ZC3H11A: variants seen among roughly 807,000 people sequenced by gnomAD.
ZC3H11A encodes zinc finger CCCH domain-containing protein 11A.
ZC3H11A carries 22 observed loss-of-function variants against 90.8 expected under a neutral mutation model. The observed-to-expected ratio is 0.24, with a 90% confidence interval of 0.17 to 0.35. ZC3H11A has a LOEUF of 0.35. Among genes scored for constraint, ZC3H11A ranks in the 10% least tolerant of loss-of-function variants. ZC3H11A has a pLI of 1.00. For missense variants in ZC3H11A, 701 were observed against 964.9 expected, an observed-to-expected ratio of 0.73 and a Z score of 3.62; for synonymous variants, 294 against 339.8, an observed-to-expected ratio of 0.87 and a Z score of 1.48.
intron 11 of ZC3H11A, 128 bp from the exon 12 acceptor site, chr1:203,840,178 A>T: frequency 1.2e-6 from 1 of 833,802 alleles, no homozygotes; most frequent in East Asian, 2.7e-5. Flanking sequence ...ACCTCAAGTG[A>T]TCAGCCTGCC....
intron 2 of ZC3H11A, among the ~76,000 whole-genome samples, chr1:203,811,741 C>A (rs1407213981): frequency 6.6e-6 from 1 of 151,958 alleles, no homozygotes; most frequent in Non-Finnish European, 1.5e-5. Flanking sequence ...AACTCTTGAC[C>A]TCAAATGACT....
At chr1:203,827,455 C>T (rs563412742) in intron 4 of ZC3H11A, among the ~76,000 whole-genome samples, 4 of 149,930 alleles carry the variant, frequency 2.7e-5, no homozygotes, top group South Asian at 2.1e-4. Flanking sequence ...CTGAGGCGGG[C>T]GGATCACGAG....
intron 9 of ZC3H11A, among the ~76,000 whole-genome samples, chr1:203,833,348 G>C (rs1683044470): frequency 7.4e-6 from 1 of 134,496 alleles, no homozygotes; most frequent in Non-Finnish European, 1.6e-5. Context: ...CTGGGCGACA[G>C]AGTGAGACTC....
intron 2 of ZC3H11A, among the ~76,000 whole-genome samples, chr1:203,810,426 T>TTTTC (rs1478076748): frequency 6.6e-6 from 1 of 151,012 alleles, no homozygotes; most frequent in African/African-American, 2.4e-5. Flanking sequence ...CTGTTAGGTT[T>TTTTC]TTTTTTTTTT....
intron 1 of ZC3H11A, chr1:203,798,830 C>T: frequency 6.5e-7 from 1 of 1,536,146 alleles, no homozygotes; most frequent in Non-Finnish European, 8.7e-7. Context: ...TTCAGAGGTT[C>T]ATGCAGATTG....
chr1:203,840,452 GT>G, intron 12 of ZC3H11A, 78 bp downstream of exon 12: 1 of 1,421,780 alleles, frequency 7.0e-7, no homozygotes, highest in Non-Finnish European at 9.7e-7. Context: ...AGATTTACCT[GT>G]TGCTTGCTAG....
chr1:203,800,366 G>C lies in ZC3H11A; in HGVS notation c.-1587-1209G>C, dbSNP rs765276335. 179 of 974,948 alleles carry C rather than the reference G, an allele frequency of 1.8e-4. No homozygotes were observed. In the African/African-American group the frequency reaches 2.4e-3, roughly 13 times the overall value. The allele number at this position is 974,948 out of a possible 1,614,324, so 60.4% of individuals were successfully genotyped here. On this transcript the variant is annotated intron_variant, in intron 1 of 17. Coordinates refer to ENST00000367210, the MANE Select transcript of ZC3H11A (RefSeq NM_001376342.1). Reference sequence around the variant, plus strand: ...AACTGATGTTTCTGAAAATGAACTTGAAAAATGTTAACTACGATTATTCTA... The same window carrying C: ...AACTGATGTTTCTGAAAATGAACTTCAAAAATGTTAACTACGATTATTCTA...
At chr1:203,834,042 T>C in intron 10 of ZC3H11A, 189 bp downstream of exon 10, 1 of 1,260,228 alleles carries the variant, frequency 7.9e-7, no homozygotes, top group Non-Finnish European at 1.0e-6. Flanking sequence ...TTTAAAGTGT[T>C]ACAATTGAAC....
chr1:203,840,481 C>T (rs1685757057), intron 12 of ZC3H11A, 107 bp downstream of exon 12: 4 of 1,118,784 alleles, frequency 3.6e-6, no homozygotes, highest in African/African-American at 3.2e-5. Context: ...GATTTTTGTT[C>T]TTTTGTAGTT....
At chr1:203,843,539 G>A (rs892776746) in intron 12 of ZC3H11A, among the ~76,000 whole-genome samples, 9 of 152,070 alleles carry the variant, frequency 5.9e-5, no homozygotes, top group African/African-American at 2.2e-4. Context: ...GTAAAGGGTC[G>A]GATATAAATA....
rs556154168 is a variant in ZC3H11A, at chr1:203,797,371, A to G, written c.-1588+1577A>G. 3.3e-4 allele frequency: 230 copies of G among 690,554 alleles called. 1 individual carries two copies. The highest frequency in any genetic ancestry group is 4.7e-4 in the Non-Finnish European group (211 of 450,136). 42.8% of individuals were successfully genotyped at this position (690,554 alleles called of 1,614,324 possible). A position where few individuals can be genotyped will look rare whatever the true frequency, so the allele number is the denominator to read the frequency against. On this transcript the variant is annotated intron_variant, in intron 1 of 17. Coordinates refer to ENST00000367210, the MANE Select transcript of ZC3H11A (RefSeq NM_001376342.1). ...TTGCTGTCAGTTTTCCTCCAAAAAT[A>G]ACCTGGCTTGGAAGTTATTGGTCCA...
intron 4 of ZC3H11A, among the ~76,000 whole-genome samples, chr1:203,819,953 C>T (rs1248127072): frequency 2.0e-5 from 3 of 151,606 alleles, no homozygotes; most frequent in Non-Finnish European, 4.4e-5. Context: ...AGAGCAAGTC[C>T]AGGCTGGGCT....
At chr1:203,805,728 T>G in intron 2 of ZC3H11A, 2 of 664,236 alleles carry the variant, frequency 3.0e-6, no homozygotes, top group Non-Finnish European at 5.8e-6. Flanking sequence ...CTGGCTCATC[T>G]AAATAGAACT....
At chr1:203,810,442 C>CAG (rs1194821080) in intron 2 of ZC3H11A, among the ~76,000 whole-genome samples, 2 of 132,924 alleles carry the variant, frequency 1.5e-5, no homozygotes, top group Admixed American at 7.4e-5. Context: ...TTTTTTGAGA[C>CAG]AGAGTCTCAC....
Position 203,852,892 on chromosome 1 carries a change from C to T in ZC3H11A, c.*493C>T, listed in dbSNP as rs1689580392. The T allele has an allele frequency of 1.8e-5, 3 of 168,490 alleles. No homozygotes were observed. The highest frequency in any genetic ancestry group is 7.2e-5 in the African/African-American group (3 of 41,490). 10.4% of individuals were successfully genotyped at this position (168,490 alleles called of 1,614,324 possible). On this transcript the variant is annotated 3_prime_UTR_variant, in exon 18 of 18. Transcript: ENST00000367210. ...ACTCAGTCTGTGTTAAATTGTATGT[C>T]TTTTTAAAGGTATTTAAAGATTCAA...
chr1:203,810,675 T>C (rs1247786357), intron 2 of ZC3H11A, among the ~76,000 whole-genome samples: 1 of 152,114 alleles, frequency 6.6e-6, no homozygotes, highest in Non-Finnish European at 1.5e-5. Context: ...CGCCTCGGAC[T>C]CCCAAAATGC....
At chr1:203,809,406 A>G (rs1484972335) in intron 2 of ZC3H11A, among the ~76,000 whole-genome samples, 2 of 149,292 alleles carry the variant, frequency 1.3e-5, no homozygotes, top group Non-Finnish European at 3.0e-5. Flanking sequence ...CAAACTCCTG[A>G]CCTCGTGATC....
At chr1:203,796,380 C>G in intron 1 of ZC3H11A, 1 of 398,972 alleles carries the variant, frequency 2.5e-6, no homozygotes, top group Non-Finnish European at 4.4e-6. Flanking sequence ...TCCCCACTCT[C>G]ATTACACTCC....
intron 12 of ZC3H11A, among the ~76,000 whole-genome samples, chr1:203,842,684 A>G (rs1185821877): frequency 1.8e-4 from 27 of 150,738 alleles, no homozygotes. Flanking sequence ...CAGGAGAAAC[A>G]TGCATATGTA....
Sources: allele counts gnomAD v4.1 joint callset (sites outside exome capture counted in the v4.1 genomes callset), GRCh38; gene constraint gnomAD v4.1.1; transcripts MANE v1.5; gene names NCBI Gene and HGNC (gene_info 2026-07-23, HGNC 2026-07-21).